PITPNM1: variants seen among roughly 807,000 people sequenced by gnomAD.
PITPNM1 encodes phosphatidylinositol transfer protein membrane associated 1, also known as membrane-associated phosphatidylinositol transfer protein 1.
Under a neutral mutation model 133.3 loss-of-function variants are expected in PITPNM1, and 74 were observed. The observed-to-expected ratio is 0.56, with a 90% CI of 0.46 to 0.67. The LOEUF (loss-of-function observed/expected upper bound fraction) is 0.67. PITPNM1 is among the 30% of genes least tolerant of loss of function. The probability of loss-of-function intolerance (pLI) is 0.00; values close to 1 mark genes in which losing one functional copy is unlikely to be tolerated. For synonymous variants in PITPNM1, 738 were observed against 741.4 expected (o/e 1.00, Z 0.08); for missense variants, 1,398 against 1,739.5 (o/e 0.80, Z 3.49).
rs191971089 is a variant in PITPNM1, at chr11:67,498,027, G to A, written c.1675-3C>T. ...ACACCATCTCCAATCAGTGCGACCT[G>A]GGTGGGAGCAGGGGCACCATCAGGA... On this transcript the variant is annotated splice_polypyrimidine_tract_variant and splice_region_variant and intron_variant, in intron 11 of 23. Coordinates refer to ENST00000356404, the MANE Select transcript of PITPNM1 (RefSeq NM_004910.3). The surrounding 1 kb of genome is among the most constrained non-coding windows in gnomAD (Gnocchi z 5.7). 157 of 1,609,670 alleles carry A rather than the reference G, an allele frequency of 9.8e-5. No individual in the cohort carries two copies. The African/African-American group carries it at 1.7e-3, about 18-fold the overall frequency.
At chr11:67,494,103 G>A in intron 19 of PITPNM1, 33 bp from the exon 20 acceptor site, 1 of 1,597,602 alleles carries the variant, frequency 6.3e-7, no homozygotes, top group Non-Finnish European at 8.5e-7. Context: ...GGTAAATGGG[G>A]GCCCTGCGTG....
intron 12 of PITPNM1, 47 bp from the exon 13 acceptor site, chr11:67,497,726 C>A: frequency 6.3e-7 from 1 of 1,596,380 alleles, no homozygotes; most frequent in South Asian, 1.1e-5. Context: ...GGGGACCATT[C>A]GAATTCTACT....
chr11:67,493,752 T>C lies in PITPNM1; in HGVS notation c.3094A>G (p.Thr1032Ala). ...AVVFSIDGSF[T>A]ASVSIMGSDP... is the part of the protein sequence containing the mutation. ...CTGCCCATGATGGAGACGCTGGCGG[T>C]GAAGGAGCCGTCGATGCTGAAGACC... is the stretch of plus-strand genomic sequence containing the variant. The change falls in exon 21 of 24, where the codon ACC (threonine) becomes GCC (alanine). Residue 1032 changes from threonine (T) to alanine (A), a missense_variant. By Grantham distance (58) the Thr-to-Ala change is moderately conservative. Transcript: ENST00000356404. 1.3e-6 allele frequency: 2 copies of C among 1,548,660 alleles called. No individual in the cohort carries two copies. The highest frequency in any genetic ancestry group is 1.7e-6 in the Non-Finnish European group (2 of 1,147,356).
chr11:67,496,751 A>G (rs150801840), intron 14 of PITPNM1: 4,411 of 202,840 alleles, frequency 0.022, 400 homozygotes, highest in Admixed American at 0.18. Flanking sequence ...CCTGGCCAAC[A>G]TGGCAAAACC....
Position 67,504,333 on chromosome 11 carries a change from G to A in PITPNM1, c.-41-112C>T. 5.9e-6 allele frequency: 2 copies of A among 341,652 alleles called. No individual in the cohort carries two copies. The highest frequency in any genetic ancestry group is 4.8e-5 in the East Asian group (1 of 20,802). 21.2% of individuals were successfully genotyped at this position (341,652 alleles called of 1,614,324 possible). A position where few individuals can be genotyped will look rare whatever the true frequency, so the allele number is the denominator to read the frequency against. The stretch of plus-strand genomic sequence containing the variant: ...GGGACCCCATGTCCGGGCCCGCCAC[G>A]AGGGAGGCAGAGGCGAGCCTAGCAC... On this transcript the variant is annotated intron_variant, in intron 1 of 23. Coordinates refer to ENST00000356404, the MANE Select transcript of PITPNM1 (RefSeq NM_004910.3). This position sits in a 1 kb window ranked among gnomAD's most constrained non-coding sequence, Gnocchi z 5.4.
At position 67,493,990 on chromosome 11, in the gene PITPNM1, G is replaced by A; in HGVS notation, c.2940C>T (p.Arg980=). Residue 980 remains arginine (R), a synonymous_variant, in exon 20 of 24, where the codon CGC becomes CGT. Coordinates refer to ENST00000356404, the MANE Select transcript of PITPNM1 (RefSeq NM_004910.3). ...FGTEVTNSSG[R]LTFPVPPERA... is the part of the protein sequence containing the mutation. Reference sequence around the variant, plus strand: ...GTTCTGGGGGAACTGGGAAGGTGAGGCGGCCCGAGCTATTGGTGACTTCGG... The same window carrying A: ...GTTCTGGGGGAACTGGGAAGGTGAGACGGCCCGAGCTATTGGTGACTTCGG... The A allele has an allele frequency of 1.9e-6, 3 of 1,612,064 alleles. No individual in the cohort carries two copies. Among genetic ancestry groups the A allele is most frequent in the Non-Finnish European group, 2.5e-6 (3 of 1,179,644 alleles).
At position 67,495,136 on chromosome 11, in the gene PITPNM1, G is replaced by C. The variant is rs372388233; in HGVS notation, c.2572C>G (p.His858Asp). Residue 858 changes from histidine (H) to aspartate (D), a missense_variant, in exon 17 of 24, where the codon CAC (histidine) becomes GAC (aspartate). His to Asp is a moderately conservative substitution (Grantham distance 81). Coordinates refer to ENST00000356404, the MANE Select transcript of PITPNM1 (RefSeq NM_004910.3). The part of the protein sequence containing the change: ...LTAFPTVTLP[H>D]LFHASYWESA... The stretch of plus-strand genomic sequence containing the variant: ...TCCCAGTAGCTGGCGTGGAAGAGGT[G>C]GGGCAGCGTGACGGTGGGAAAGGCG... The C allele has an allele frequency of 1.9e-6, 3 of 1,612,518 alleles. No individual in the cohort carries two copies. Among genetic ancestry groups the C allele is most frequent in the Non-Finnish European group, 2.5e-6 (3 of 1,179,894 alleles).
chr11:67,498,742 G>A lies in PITPNM1; in HGVS notation c.1338C>T (p.Ala446=), dbSNP rs1367635497. 6.2e-7 allele frequency: 1 copy of A among 1,611,074 alleles called. No homozygotes were observed. The highest frequency in any genetic ancestry group is 8.5e-7 in the Non-Finnish European group (1 of 1,179,990). Residue 446 remains alanine, a synonymous_variant, in exon 10 of 24, where the codon GCC becomes GCT. Transcript: ENST00000356404. This position sits in a 1 kb window ranked among gnomAD's most constrained non-coding sequence, Gnocchi z 5.7. ...TCTGCACATCCGCCTGCTTGGAGTTGGCGTCTCCAGGGCCTGAGTCCAGGA... is the reference window on the plus strand; with the variant it reads ...TCTGCACATCCGCCTGCTTGGAGTTAGCGTCTCCAGGGCCTGAGTCCAGGA... ...GNILDSGPGD[A]NSKQADVQTL...
In PITPNM1 at chr11:67,500,542, A is replaced by G. The variant is rs1866293247; in HGVS notation, c.641-121T>C. 5 of 943,858 alleles carry G rather than the reference A, an allele frequency of 5.3e-6. No homozygotes were observed. The Admixed American group carries it at 6.7e-5, about 13-fold the overall frequency. 58.5% of individuals were successfully genotyped at this position (943,858 alleles called of 1,614,324 possible). On this transcript the variant is annotated intron_variant, in intron 5 of 23. Coordinates refer to ENST00000356404, the MANE Select transcript of PITPNM1 (RefSeq NM_004910.3). ...GGGACACCACCCACCCAGAGCCACA[A>G]AGTAGGGCAGGGCCAGTGCAGTCCA...
Position 67,502,351 on chromosome 11 carries a change from C to T in PITPNM1, c.356G>A (p.Gly119Glu), listed in dbSNP as rs1051424187. The change falls in exon 4 of 24, where the codon GGG (glycine) becomes GAG (glutamate). Residue 119 changes from glycine (G) to glutamate (E), a missense_variant. Transcript: ENST00000356404. This position sits in a 1 kb window ranked among gnomAD's most constrained non-coding sequence, Gnocchi z 5.9. ...IEIETYYLPD[G>E]GQQPNVFNLS... ...GTTGAAGACGTTTGGCTGCTGCCCC[C>T]CATCAGGCAGGTAATAGGTCTCAAT... The T allele has an allele frequency of 7.4e-6, 12 of 1,613,646 alleles. No homozygotes were observed. The highest frequency in any genetic ancestry group is 5.0e-5 in the Admixed American group (3 of 60,018).
Position 67,498,620 on chromosome 11 carries a change from G to C in PITPNM1, c.1460C>G (p.Ala487Gly). 6.3e-7 allele frequency: 1 copy of C among 1,598,224 alleles called. No individual in the cohort carries two copies. The highest frequency in any genetic ancestry group is 1.1e-5 in the South Asian group (1 of 91,016). The change falls in exon 10 of 24, where the codon GCC (alanine) becomes GGC (glycine). Residue 487 changes from alanine to glycine, a missense_variant. Transcript: ENST00000356404. The surrounding 1 kb of genome is among the most constrained non-coding windows in gnomAD (Gnocchi z 5.7). The stretch of plus-strand genomic sequence containing the variant: ...CTTGGAGACAAGGGCATAGGCGGCG[G>C]CGCAGATGGGTGGACAGGGCACCAG... ...LRLVPCPPIC[A>G]AAYALVSNLS...
intron 20 of PITPNM1, 38 bp from the exon 21 acceptor site, chr11:67,493,875 G>C (rs372314667): frequency 4.6e-6 from 7 of 1,523,876 alleles, no homozygotes; most frequent in Non-Finnish European, 6.2e-6. Context: ...GGCGCGGGGC[G>C]AGGCCTGGCG....
chr11:67,495,137 G>T lies in PITPNM1; in HGVS notation c.2571C>A (p.Pro857=). The change falls in exon 17 of 24, where the codon CCC becomes CCA. Residue 857 remains proline, a synonymous_variant. Transcript: ENST00000356404. ...ALTAFPTVTL[P]HLFHASYWES... Reference sequence around the variant, plus strand: ...CCCAGTAGCTGGCGTGGAAGAGGTGGGGCAGCGTGACGGTGGGAAAGGCGG... The same window carrying T: ...CCCAGTAGCTGGCGTGGAAGAGGTGTGGCAGCGTGACGGTGGGAAAGGCGG... The T allele has an allele frequency of 6.2e-7, 1 of 1,612,682 alleles. No homozygotes were observed.
In PITPNM1 at chr11:67,493,072, G is replaced by A. The variant is rs766560234; in HGVS notation, c.3343-10C>T. 3 of 1,612,778 alleles carry A rather than the reference G, an allele frequency of 1.9e-6. No homozygotes were observed. Among genetic ancestry groups the A allele is most frequent in the Non-Finnish European group, 2.5e-6 (3 of 1,179,820 alleles). The stretch of plus-strand genomic sequence containing the variant: ...CGATGTTCAGTTCTACCTGTGGCGG[G>A]AGATGCCAATCAGCCGCCCCAGGGG... On this transcript the variant is annotated splice_polypyrimidine_tract_variant and intron_variant, in intron 22 of 23. Coordinates refer to ENST00000356404, the MANE Select transcript of PITPNM1 (RefSeq NM_004910.3).
At chr11:67,492,438 G>T in intron 23 of PITPNM1, 142 bp from the exon 24 acceptor site, 1 of 833,698 alleles carries the variant, frequency 1.2e-6, no homozygotes, top group Non-Finnish European at 1.8e-6. Flanking sequence ...CTTCTCAATA[G>T]ATAGGACCCC....
At chr11:67,493,316 G>T (rs1341932870) in intron 22 of PITPNM1, 94 bp downstream of exon 22, 2 of 1,341,388 alleles carry the variant, frequency 1.5e-6, no homozygotes, top group Non-Finnish European at 2.0e-6. Context: ...GGCCGATCCA[G>T]TTGGGAACAG....
At chr11:67,496,931 CAA>C (rs772958237) in intron 14 of PITPNM1, 2,076 of 157,506 alleles carry the variant, frequency 0.013, no homozygotes, top group Middle Eastern at 0.027. Context: ...GACTCTGTCT[CAA>C]AAAAAAAAAA....
At chr11:67,497,043 G>C (rs1344498570) in intron 14 of PITPNM1, 188 bp downstream of exon 14, 3 of 505,772 alleles carry the variant, frequency 5.9e-6, no homozygotes, top group African/African-American at 5.9e-5. Context: ...TCCTCCCAGT[G>C]GCTTTGGGAG....
Position 67,492,964 on chromosome 11 carries a change from A to G in PITPNM1, c.3441T>C (p.Arg1147=). 6.2e-7 allele frequency: 1 copy of G among 1,612,936 alleles called. No homozygotes were observed. Among genetic ancestry groups the G allele is most frequent in the South Asian group, 1.1e-5 (1 of 91,086 alleles). ...LSPSQTYIVG[R]AVRKLQAQCQ... is the part of the protein sequence containing the mutation. ...ACTGCGCCTGTAGCTTCCGCACGGC[A>G]CGGCCCACGATGTAGGTCTGGCTCG... Residue 1147 remains arginine (R), a synonymous_variant, in exon 23 of 24, where the codon CGT becomes CGC. Coordinates refer to ENST00000356404, the MANE Select transcript of PITPNM1 (RefSeq NM_004910.3).
Sources: gnomAD v4.1 joint callset for allele counts on GRCh38, gnomAD v4.1.1 for gene constraint, Gnocchi (gnomAD v3.1) non-coding constraint, MANE v1.5 for transcripts, NCBI Gene and HGNC (gene_info 2026-07-23, HGNC 2026-07-21) for gene names.